The following TMTC2 variants were observed in gnomAD, a reference collection of about 807,000 sequenced individuals.
TMTC2 encodes protein O-mannosyl-transferase TMTC2.
TMTC2 carries 43 observed loss-of-function variants against 82.4 expected under a neutral mutation model. The ratio of observed to expected loss-of-function variants is 0.52; its 90% CI spans 0.41 to 0.67. The LOEUF is 0.67. Among genes scored for constraint, TMTC2 ranks in the 30% least tolerant of loss-of-function variants. TMTC2 has a pLI of 0.00. For missense variants in TMTC2, 919 were observed against 1,012.4 expected (o/e 0.91, Z 1.25); for synonymous variants, 408 against 381.9 (o/e 1.07, Z -0.80).
rs7307624 is a variant in TMTC2, at chr12:82,892,418, A to G, written c.655-3400A>G. Among the ~76,000 whole-genome samples, 876 of 152,260 alleles carry G rather than the reference A, an allele frequency of 5.8e-3. 7 individuals carry two copies. The highest frequency in any genetic ancestry group is 0.02 in the African/African-American group (823 of 41,536). On this transcript the variant is annotated intron_variant, in intron 2 of 11. Transcript: ENST00000321196. ...TTAGCATAATAAATGCAATAATATG[A>G]CCACATCTGGAATCTCAATTTTATT...
intron 1 of TMTC2, among the ~76,000 whole-genome samples, chr12:82,762,541 TA>T (rs1876710894): frequency 6.6e-6 from 1 of 152,166 alleles, no homozygotes; most frequent in Non-Finnish European, 1.5e-5. Context: ...GATGATATTT[TA>T]GAGATAGAAT....
chr12:82,822,599 T>A lies in TMTC2; in HGVS notation c.84-34411T>A, dbSNP rs548052987. On this transcript the variant is annotated intron_variant, in intron 1 of 11. Transcript: ENST00000321196. Reference sequence around the variant, plus strand: ...AAACTTGAATGCCTATAACAAGGTATCCCTTGCTATACAGGTCTGACTTAG... The same window carrying A: ...AAACTTGAATGCCTATAACAAGGTAACCCTTGCTATACAGGTCTGACTTAG... Among the ~76,000 whole-genome samples, 5 of 152,340 alleles carry A rather than the reference T, an allele frequency of 3.3e-5. No homozygotes were observed. The East Asian group carries it at 9.6e-4, about 29-fold the overall frequency.
rs990531497 is a variant in TMTC2 at position 82,981,585 on chromosome 12, T to A, written c.1949-4340T>A. ...TTCTTATGAAAGTACCTTTATTATG[T>A]CATTTCTTACAGAATGAGAAAGGAA... On this transcript the variant is annotated intron_variant, in intron 7 of 11. Coordinates refer to ENST00000321196, the MANE Select transcript of TMTC2 (RefSeq NM_152588.3). 2.6e-5 allele frequency among the ~76,000 whole-genome samples: 4 copies of A among 151,918 alleles called. No homozygotes were observed. In the East Asian group the frequency reaches 7.7e-4, roughly 29 times the overall value.
Position 82,857,533 on chromosome 12 carries a change from G to A in TMTC2, c.607G>A (p.Val203Ile). The change falls in exon 2 of 12, where the codon GTC (valine) becomes ATC (isoleucine). Residue 203 changes from valine (V) to isoleucine (I), a missense_variant. Transcript: ENST00000321196. ...LAVSAVYDVF[V>I]FHRLKIKQIL... The stretch of plus-strand genomic sequence containing the variant: ...AGTTTCAGCAGTTTATGATGTCTTT[G>A]TCTTTCACAGGCTGAAAATAAAACA... The A allele has an allele frequency of 6.2e-7, 1 of 1,613,024 alleles. No homozygotes were observed.
chr12:82,989,754 T>G (rs1170669597), intron 8 of TMTC2, among the ~76,000 whole-genome samples: 1 of 27,240 alleles, frequency 3.7e-5, no homozygotes, highest in African/African-American at 3.1e-4. Flanking sequence ...TTCAGGAGGC[T>G]TTTTTTTTTT....
At chr12:82,849,875 G>A (rs1458302145) in intron 1 of TMTC2, among the ~76,000 whole-genome samples, 1 of 151,984 alleles carries the variant, frequency 6.6e-6, no homozygotes, top group Non-Finnish European at 1.5e-5. Context: ...TCACCCTCAG[G>A]CTGACCCTGT....
chr12:83,107,976 T>A (rs77515004), intron 11 of TMTC2, among the ~76,000 whole-genome samples: 1,904 of 152,110 alleles, frequency 0.013, 44 homozygotes, highest in African/African-American at 0.043. Context: ...AGTCAGGAAA[T>A]ATGGTTGTTT....
chr12:83,066,999 A>G (rs1882942000), intron 11 of TMTC2, among the ~76,000 whole-genome samples: 1 of 151,972 alleles, frequency 6.6e-6, no homozygotes, highest in Non-Finnish European at 1.5e-5. Context: ...AATGGTACCA[A>G]AGAATTGGGT....
intron 1 of TMTC2, among the ~76,000 whole-genome samples, chr12:82,808,488 T>C (rs1223409967): frequency 2.6e-5 from 4 of 152,240 alleles, no homozygotes; most frequent in Admixed American, 1.3e-4. Context: ...AAGGAATTAT[T>C]GCTGTCAGTT....
intron 2 of TMTC2, among the ~76,000 whole-genome samples, chr12:82,863,486 G>A (rs1457413439): frequency 6.6e-6 from 1 of 152,100 alleles, no homozygotes; most frequent in Non-Finnish European, 1.5e-5. Context: ...TGCCAACACT[G>A]CTAACCAGAT....
chr12:82,931,992 G>A (rs1592636617), intron 4 of TMTC2, among the ~76,000 whole-genome samples: 2 of 152,088 alleles, frequency 1.3e-5, no homozygotes. Flanking sequence ...GAAGATGACT[G>A]ATCCTAGGTA....
At chr12:83,115,932 C>T (rs919864640) in intron 11 of TMTC2, among the ~76,000 whole-genome samples, 4 of 152,054 alleles carry the variant, frequency 2.6e-5, no homozygotes, top group Non-Finnish European at 4.4e-5. Context: ...GGACTACAGG[C>T]ACGTGCCACC....
chr12:83,113,171 A>G lies in TMTC2; in HGVS notation c.2332-19039A>G, dbSNP rs556504499. On this transcript the variant is annotated intron_variant, in intron 11 of 11. Transcript: ENST00000321196. ...ACTTCCTTGCTTCCTTTTTTATATT[A>G]ACAAGGTAGAACAAGGAGGGGAGAC... 2.0e-5 allele frequency among the ~76,000 whole-genome samples: 3 copies of G among 152,244 alleles called. No individual in the cohort carries two copies. The East Asian group carries it at 5.8e-4, about 29-fold the overall frequency.
chr12:83,048,100 C>T (rs547222642), intron 9 of TMTC2, among the ~76,000 whole-genome samples: 5 of 152,090 alleles, frequency 3.3e-5, no homozygotes, highest in South Asian at 2.1e-4. Flanking sequence ...TGTATTAATG[C>T]GTTTGCTTAA....
intron 1 of TMTC2, among the ~76,000 whole-genome samples, chr12:82,828,065 G>A (rs1031843053): frequency 6.6e-6 from 1 of 151,584 alleles, no homozygotes; most frequent in African/African-American, 2.4e-5. Flanking sequence ...GCTAATTTTT[G>A]TATTTTTAGT....
At chr12:82,819,553 G>A (rs1006392487) in intron 1 of TMTC2, among the ~76,000 whole-genome samples, 1 of 143,280 alleles carries the variant, frequency 7.0e-6, no homozygotes, top group Non-Finnish European at 1.5e-5. Flanking sequence ...CCAGGCTGGA[G>A]TGCAATGGCA....
At chr12:83,076,485 C>T (rs1424634172) in intron 11 of TMTC2, among the ~76,000 whole-genome samples, 3 of 152,164 alleles carry the variant, frequency 2.0e-5, no homozygotes, top group Non-Finnish European at 4.4e-5. Flanking sequence ...TACAGTTAGT[C>T]TCTACTCCAA....
chr12:82,892,780 A>G (rs1178257891), intron 2 of TMTC2, among the ~76,000 whole-genome samples: 1 of 152,214 alleles, frequency 6.6e-6, no homozygotes, highest in African/African-American at 2.4e-5. Context: ...GGCTTTTGGT[A>G]CAAATTCAGA....
Position 82,871,408 on chromosome 12 carries a change from A to G in TMTC2, c.654+13828A>G, listed in dbSNP as rs1452777117. On this transcript the variant is annotated intron_variant, in intron 2 of 11. Coordinates refer to ENST00000321196, the MANE Select transcript of TMTC2 (RefSeq NM_152588.3). The stretch of plus-strand genomic sequence containing the variant: ...TTACTTGGCTTTGGGACCAATGCTC[A>G]TTATCTACAGTAGCTTTGAATACAA... 5.6e-4 allele frequency among the ~76,000 whole-genome samples: 84 copies of G among 151,128 alleles called. 1 individual carries two copies. Among genetic ancestry groups the G allele is most frequent in the Non-Finnish European group, 1.5e-4 (10 of 67,944 alleles).
Sources: gnomAD v4.1 joint callset for allele counts (sites outside exome capture counted in the v4.1 genomes callset) on GRCh38, gnomAD v4.1.1 for gene constraint, MANE v1.5 for transcripts, NCBI Gene and HGNC (gene_info 2026-07-23, HGNC 2026-07-21) for gene names.